CDH13: variants seen among roughly 807,000 people sequenced by gnomAD.
CDH13 encodes the protein cadherin-13.
In CDH13, 24 loss-of-function variants were observed where a neutral mutation model predicts 63.8. The ratio of observed to expected loss-of-function variants is 0.38; its 90% CI spans 0.27 to 0.53. The LOEUF (loss-of-function observed/expected upper bound fraction) is 0.53. CDH13 is among the 20% of genes least tolerant of loss of function. The pLI is 0.85. For missense variants in CDH13, 1,049 were observed against 903.1 expected, an observed-to-expected ratio of 1.16 and a Z score of -2.07; for synonymous variants, 503 against 355.3, an observed-to-expected ratio of 1.42 and a Z score of -4.67.
intron 6 of CDH13, among the ~76,000 whole-genome samples, chr16:83,375,381 A>G (rs1442016119): frequency 1.3e-5 from 2 of 152,216 alleles, no homozygotes; most frequent in Non-Finnish European, 2.9e-5. Flanking sequence ...TCTGAAGTGT[A>G]CAGTGACACA....
intron 8 of CDH13, among the ~76,000 whole-genome samples, chr16:83,650,885 C>T (rs1282699149): frequency 6.6e-6 from 1 of 151,778 alleles, no homozygotes; most frequent in African/African-American, 2.4e-5. Flanking sequence ...CCAGCCTGGG[C>T]AACATAGTGA....
intron 7 of CDH13, among the ~76,000 whole-genome samples, chr16:83,509,804 C>A (rs2074514454): frequency 6.6e-6 from 1 of 152,154 alleles, no homozygotes; most frequent in Non-Finnish European, 1.5e-5. Context: ...TTTGTGGATT[C>A]TCATTTAATT....
At chr16:82,995,790 C>T (rs1459884339) in intron 2 of CDH13, among the ~76,000 whole-genome samples, 1 of 152,144 alleles carries the variant, frequency 6.6e-6, no homozygotes, top group African/African-American at 2.4e-5. Context: ...TTGGATATAA[C>T]TAGATGATAA....
chr16:82,920,610 TC>T (rs1210141316), intron 2 of CDH13, among the ~76,000 whole-genome samples: 1 of 152,182 alleles, frequency 6.6e-6, no homozygotes, highest in Non-Finnish European at 1.5e-5. Flanking sequence ...GGTGAGGCTG[TC>T]TCCACTGCAG....
intron 6 of CDH13, among the ~76,000 whole-genome samples, chr16:83,430,908 C>G (rs1373337696): frequency 6.6e-6 from 1 of 151,808 alleles, no homozygotes; most frequent in African/African-American, 2.4e-5. Context: ...CACTGGTGTG[C>G]TGCACCCACT....
intron 1 of CDH13, among the ~76,000 whole-genome samples, chr16:82,700,641 A>T (rs530925408): frequency 3.3e-5 from 5 of 152,040 alleles, no homozygotes; most frequent in Non-Finnish European, 7.4e-5. Context: ...TCAGGTTTTC[A>T]GTCCTGTCCT....
intron 3 of CDH13, among the ~76,000 whole-genome samples, chr16:83,042,933 A>G (rs1348099502): frequency 6.6e-6 from 1 of 152,228 alleles, no homozygotes; most frequent in Non-Finnish European, 1.5e-5. Flanking sequence ...AACAAGTGTG[A>G]TAACTTCAAA....
intron 2 of CDH13, among the ~76,000 whole-genome samples, chr16:82,923,793 G>A (rs1353908167): frequency 6.6e-6 from 1 of 152,158 alleles, no homozygotes; most frequent in Non-Finnish European, 1.5e-5. Context: ...CTATGATACA[G>A]AAAATCGTCT....
chr16:83,446,829 C>G (rs777946510), intron 6 of CDH13, among the ~76,000 whole-genome samples: 61 of 152,144 alleles, frequency 4.0e-4, no homozygotes, highest in Non-Finnish European at 7.1e-4. Context: ...AATCCAAAGT[C>G]TTTAAGCTTA....
At chr16:83,232,006 G>A (rs556880468) in intron 5 of CDH13, among the ~76,000 whole-genome samples, 32 of 151,952 alleles carry the variant, frequency 2.1e-4, no homozygotes, top group African/African-American at 7.7e-4. Context: ...TTATAAGTGG[G>A]AGCTAAACAA....
chr16:82,752,276 G>T (rs1269391400), intron 1 of CDH13, among the ~76,000 whole-genome samples: 2 of 152,160 alleles, frequency 1.3e-5, no homozygotes, highest in Non-Finnish European at 2.9e-5. Context: ...GATTTCTCCG[G>T]ACTGTTAACT....
chr16:83,180,865 T>TTTTTATA, intron 4 of CDH13: 1 of 1,518,382 alleles, frequency 6.6e-7, no homozygotes, highest in Non-Finnish European at 8.8e-7. Context: ...TTTTTTTTCT[T>TTTTTATA]ACAGAGAACC....
intron 1 of CDH13, among the ~76,000 whole-genome samples, chr16:82,686,824 A>G (rs1336602273): frequency 1.3e-5 from 2 of 152,300 alleles, no homozygotes; most frequent in East Asian, 3.9e-4. Context: ...ACCCATGGCC[A>G]TAACACCCCC....
chr16:82,729,323 G>C (rs1322779760), intron 1 of CDH13, among the ~76,000 whole-genome samples: 1 of 152,108 alleles, frequency 6.6e-6, no homozygotes, highest in African/African-American at 2.4e-5. Flanking sequence ...CTTACAAAAT[G>C]TTATTTCTTT....
chr16:83,597,883 G>C (rs113430202), intron 7 of CDH13, among the ~76,000 whole-genome samples: 2 of 152,148 alleles, frequency 1.3e-5, no homozygotes, highest in African/African-American at 2.4e-5. Flanking sequence ...GTAAGAATTT[G>C]TACATACCTC....
intron 4 of CDH13, among the ~76,000 whole-genome samples, chr16:83,145,984 G>A (rs1334649156): frequency 5.9e-5 from 9 of 152,132 alleles, no homozygotes; most frequent in African/African-American, 1.9e-4. Flanking sequence ...ACCTGAGGTC[G>A]GGAGTTCGGG....
At chr16:83,326,669 G>A (rs771069810) in intron 5 of CDH13, among the ~76,000 whole-genome samples, 1 of 152,110 alleles carries the variant, frequency 6.6e-6, no homozygotes, top group South Asian at 2.1e-4. Context: ...TTTACACTTT[G>A]TCTCTGCATG....
At chr16:82,824,967 T>C (rs977645215) in intron 1 of CDH13, 3 of 151,560 alleles carry the variant, frequency 2.0e-5, no homozygotes, top group Non-Finnish European at 1.5e-5. Flanking sequence ...TCTAAATATT[T>C]ATAGATGAAA....
chr16:83,783,477 G>C lies in CDH13; in HGVS notation c.2134+5G>C. Reference sequence around the variant, plus strand: ...TCAGCCTCTTCAGCTTAGCTTGTAAGTTGACCTAACTCCAGTGCATGCACA... The same window carrying C: ...TCAGCCTCTTCAGCTTAGCTTGTAACTTGACCTAACTCCAGTGCATGCACA... On this transcript the variant is annotated splice_donor_5th_base_variant and intron_variant, in intron 13 of 13. Coordinates refer to ENST00000567109, the MANE Select transcript of CDH13 (RefSeq NM_001257.5). The C allele has an allele frequency of 6.2e-7, 1 of 1,612,672 alleles. No individual in the cohort carries two copies. Among genetic ancestry groups the C allele is most frequent in the Non-Finnish European group, 8.5e-7 (1 of 1,178,888 alleles).
Sources: gnomAD v4.1 joint callset for allele counts (sites outside exome capture counted in the v4.1 genomes callset) on GRCh38, gnomAD v4.1.1 for gene constraint, MANE v1.5 for transcripts, NCBI Gene and HGNC (gene_info 2026-07-23, HGNC 2026-07-21) for gene names.